Variants in IARS2 observed in about 807,000 individuals in gnomAD.
IARS2 encodes the protein isoleucyl-tRNA synthetase 2, mitochondrial.
In IARS2, 56 loss-of-function variants were observed where a neutral mutation model predicts 126.3. That is an observed-to-expected ratio of 0.44 (90% CI 0.36 to 0.55). IARS2 has a LOEUF of 0.55. Among genes scored for constraint, IARS2 ranks in the 20% least tolerant of loss-of-function variants. The pLI is 0.00. For missense variants in IARS2, 1,127 were observed against 1,245.9 expected (o/e 0.90, Z 1.44); for synonymous variants, 407 against 441.1 (o/e 0.92, Z 0.97).
Position 220,139,094 on chromosome 1 carries a change from C to G in IARS2, c.2262C>G (p.Val754=), listed in dbSNP as rs1219956540. The change falls in exon 18 of 23, where the codon GTC becomes GTG. Residue 754 remains valine (V), a synonymous_variant. Transcript: ENST00000366922. ...TDSIPVNDMY[V]IDQYMLHLLQ... ...CCATCCCTGTAAACGATATGTATGTCATAGACCAGTACATGCTACACTTAC... is the reference window on the plus strand; with the variant it reads ...CCATCCCTGTAAACGATATGTATGTGATAGACCAGTACATGCTACACTTAC... 1 of 1,612,610 alleles carries G rather than the reference C, an allele frequency of 6.2e-7. No homozygotes were observed. Among genetic ancestry groups the G allele is most frequent in the South Asian group, 1.1e-5 (1 of 90,974 alleles).
rs370274333 is a variant in IARS2, at chr1:220,132,129, A to G, written c.1838-2273A>G. 4.1e-4 allele frequency among the ~76,000 whole-genome samples: 62 copies of G among 152,182 alleles called. No homozygotes were observed. The South Asian group carries it at 0.012, about 30-fold the overall frequency. ...ATTTTTGTGTCTTTGTTCAACAGAG[A>G]TACTGGCCTGTAGTTTTCTTTTTTG... On this transcript the variant is annotated intron_variant, in intron 14 of 22. Coordinates refer to ENST00000366922, the MANE Select transcript of IARS2 (RefSeq NM_018060.4).
At chr1:220,125,401 G>T in intron 13 of IARS2, 62 bp downstream of exon 13, 1 of 1,014,494 alleles carries the variant, frequency 9.9e-7, no homozygotes, top group Non-Finnish European at 1.5e-6. Context: ...GACAACATGA[G>T]AAATTCTTGA....
intron 10 of IARS2, among the ~76,000 whole-genome samples, chr1:220,107,504 T>C (rs918087832): frequency 2.6e-5 from 4 of 152,220 alleles, no homozygotes; most frequent in Admixed American, 6.5e-5. Flanking sequence ...CTGACCTATA[T>C]GGCATGATTT....
At chr1:220,134,600 CTT>C (rs1179594525) in intron 15 of IARS2, 90 bp downstream of exon 15, 1 of 659,580 alleles carries the variant, frequency 1.5e-6, no homozygotes, top group African/African-American at 1.9e-5. Context: ...AGGCACCACT[CTT>C]GATTGCTTAC....
chr1:220,131,861 G>T (rs545531985), intron 14 of IARS2, among the ~76,000 whole-genome samples: 15 of 145,586 alleles, frequency 1.0e-4, no homozygotes, highest in Admixed American at 2.1e-4. Flanking sequence ...GCAATGGCAC[G>T]ATCTCAGCTC....
rs374103187 is a variant in IARS2, at chr1:220,098,703, A to G, written c.391-1787A>G. Among the ~76,000 whole-genome samples, 57 of 152,328 alleles carry G rather than the reference A, an allele frequency of 3.7e-4. No homozygotes were observed. In the South Asian group the frequency reaches 0.012, roughly 31 times the overall value. On this transcript the variant is annotated intron_variant, in intron 2 of 22. Transcript: ENST00000366922. ...AGATAAATGACTCTTAAAAGTATGG[A>G]GGAACTTTTTTTGGGGAGAAGGAGG...
At chr1:220,105,647 C>CA (rs1656664244) in intron 8 of IARS2, among the ~76,000 whole-genome samples, 1 of 152,078 alleles carries the variant, frequency 6.6e-6, no homozygotes, top group African/African-American at 2.4e-5. Flanking sequence ...CAGTAAGTAT[C>CA]AAAACACTTA....
intron 11 of IARS2, among the ~76,000 whole-genome samples, chr1:220,113,933 C>G (rs1489236960): frequency 6.6e-6 from 1 of 152,082 alleles, no homozygotes; most frequent in Admixed American, 6.6e-5. Context: ...TGGTGGAAAT[C>G]AAGTTTGAAT....
rs1657499006 is a variant in IARS2, at chr1:220,141,887, T to A, written c.2499T>A (p.Ser833=). Reference sequence around the variant, plus strand: ...AAATTTTGGATGTAATAGTTCGTTCTTTTGCTCCCATTCTTCCTCACCTGG... The same window carrying A: ...AAATTTTGGATGTAATAGTTCGTTCATTTGCTCCCATTCTTCCTCACCTGG... ...LVEILDVIVR[S]FAPILPHLAE... The change falls in exon 20 of 23, where the codon TCT becomes TCA. Residue 833 remains serine, a synonymous_variant. Transcript: ENST00000366922. 6.2e-7 allele frequency: 1 copy of A among 1,614,056 alleles called. No homozygotes were observed. The highest frequency in any genetic ancestry group is 8.5e-7 in the Non-Finnish European group (1 of 1,180,028).
intron 12 of IARS2, among the ~76,000 whole-genome samples, chr1:220,117,049 G>T (rs1656926889): frequency 1.3e-5 from 2 of 151,202 alleles, no homozygotes; most frequent in Admixed American, 1.3e-4. Flanking sequence ...CCCAGCCTCA[G>T]ACTTAGTTTA....
Position 220,102,109 on chromosome 1 carries a change from T to C in IARS2, c.551-20T>C. The stretch of plus-strand genomic sequence containing the variant: ...CGAATTCATTGGTTTTTTAAAATCT[T>C]TTTTTCGTCTTTTTTTTAGCTAGAT... On this transcript the variant is annotated intron_variant, in intron 3 of 22. Transcript: ENST00000366922. The C allele has an allele frequency of 6.3e-7, 1 of 1,588,534 alleles. No individual in the cohort carries two copies. Among genetic ancestry groups the C allele is most frequent in the Admixed American group, 1.9e-5 (1 of 51,342 alleles).
chr1:220,097,331 A>T (rs941859468), intron 2 of IARS2, among the ~76,000 whole-genome samples: 1 of 150,788 alleles, frequency 6.6e-6, no homozygotes, highest in African/African-American at 2.5e-5. Context: ...AGGCTTACAT[A>T]ATTCCACCTT....
At position 220,102,582 on chromosome 1, in the gene IARS2, T is replaced by C. The variant is rs1419102326; in HGVS notation, c.837T>C (p.Ser279=). 2 of 1,612,684 alleles carry C rather than the reference T, an allele frequency of 1.2e-6. No homozygotes were observed. The highest frequency in any genetic ancestry group is 1.7e-6 in the Non-Finnish European group (2 of 1,178,932). ...IYVKFPLLKP[S]PKLASLIDGS... ...TAAAATTTCCTCTCTTAAAGCCTTCTCCAAAATTGGCATCTCTTATAGGTA... is the reference window on the plus strand; with the variant it reads ...TAAAATTTCCTCTCTTAAAGCCTTCCCCAAAATTGGCATCTCTTATAGGTA... The change falls in exon 6 of 23, where the codon TCT becomes TCC. Residue 279 remains serine, a synonymous_variant. Transcript: ENST00000366922.
At chr1:220,136,634 C>CA (rs775927970) in intron 15 of IARS2, among the ~76,000 whole-genome samples, 175 bp from the exon 16 acceptor site, 26,476 of 62,414 alleles carry the variant, frequency 0.42, 4,127 homozygotes, top group East Asian at 0.51. Context: ...GACTCCATCT[C>CA]AAAAAAAAAA....
intron 22 of IARS2, among the ~76,000 whole-genome samples, chr1:220,145,875 A>G (rs1441331004): frequency 6.6e-6 from 1 of 152,130 alleles, no homozygotes; most frequent in African/African-American, 2.4e-5. Flanking sequence ...GAAGAGGGAG[A>G]GAGATTTTCT....
intron 12 of IARS2, chr1:220,118,041 T>C: frequency 2.3e-6 from 1 of 430,498 alleles, no homozygotes; most frequent in Non-Finnish European, 4.7e-6. Flanking sequence ...TAATTCTTAA[T>C]CATTTGTTAA....
intron 10 of IARS2, among the ~76,000 whole-genome samples, chr1:220,108,856 CTTTT>C (rs35836043): frequency 4.4e-5 from 3 of 68,260 alleles, no homozygotes; most frequent in African/African-American, 1.5e-4. Flanking sequence ...TGTGAATCCT[CTTTT>C]TTTTTTTTTT....
intron 12 of IARS2, among the ~76,000 whole-genome samples, chr1:220,122,271 T>C (rs891820657): frequency 7.9e-5 from 12 of 152,224 alleles, no homozygotes; most frequent in African/African-American, 2.9e-4. Context: ...GATTTATTCC[T>C]GTCATTTTCC....
chr1:220,097,756 A>T (rs1207774975), intron 2 of IARS2, among the ~76,000 whole-genome samples: 1 of 152,160 alleles, frequency 6.6e-6, no homozygotes, highest in African/African-American at 2.4e-5. Flanking sequence ...AGACTTGGGG[A>T]TAGAATATGT....
Sources: gnomAD v4.1 joint callset for allele counts (sites outside exome capture counted in the v4.1 genomes callset) on GRCh38, gnomAD v4.1.1 for gene constraint, MANE v1.5 for transcripts, NCBI Gene and HGNC (gene_info 2026-07-23, HGNC 2026-07-21) for gene names.